The following FMN1 variants were observed in gnomAD, a reference collection of about 807,000 sequenced individuals.
FMN1 encodes the protein formin 1, also known as formin-1.
FMN1 carries 110 observed loss-of-function variants against 132.4 expected under a neutral mutation model. The observed-to-expected ratio is 0.83, with a 90% CI of 0.71 to 0.97. The LOEUF is 0.97. Ranked by LOEUF, FMN1 falls within the 50% of genes least tolerant of loss-of-function variation. The pLI, the probability that FMN1 is intolerant of heterozygous loss-of-function variation, is 0.00. For synonymous variants in FMN1, 722 were observed against 651.7 expected (o/e 1.11, Z -1.64); for missense variants, 1,792 against 1,705.3 (o/e 1.05, Z -0.90).
chr15:33,030,494 G>A (rs539892233), intron 6 of FMN1, among the ~76,000 whole-genome samples: 32 of 152,276 alleles, frequency 2.1e-4, no homozygotes, highest in African/African-American at 6.5e-4. Context: ...AAGGATAAGC[G>A]GCTTGCAATA....
At chr15:32,836,956 T>G (rs1011656442) in intron 17 of FMN1, 3 of 208,608 alleles carry the variant, frequency 1.4e-5, no homozygotes, top group Non-Finnish European at 2.2e-5. Context: ...AATTCTAAAA[T>G]AGATGCATTT....
chr15:32,996,105 T>A (rs1248695855), intron 7 of FMN1, among the ~76,000 whole-genome samples: 2 of 152,226 alleles, frequency 1.3e-5, no homozygotes, highest in African/African-American at 2.4e-5. Flanking sequence ...GATAGATAGG[T>A]CATCTACCAC....
chr15:33,135,250 A>C (rs1385433833), intron 4 of FMN1, among the ~76,000 whole-genome samples: 1 of 152,226 alleles, frequency 6.6e-6, no homozygotes, highest in Non-Finnish European at 1.5e-5. Context: ...GGTTCTCTAC[A>C]TAAATTATTT....
At chr15:32,976,806 G>C (rs1158013007) in intron 7 of FMN1, among the ~76,000 whole-genome samples, 1 of 152,172 alleles carries the variant, frequency 6.6e-6, no homozygotes, top group Non-Finnish European at 1.5e-5. Context: ...GTACACCTGT[G>C]TAAAAATGGT....
At chr15:32,950,615 A>C (rs1387352871) in intron 9 of FMN1, among the ~76,000 whole-genome samples, 1 of 152,196 alleles carries the variant, frequency 6.6e-6, no homozygotes, top group Non-Finnish European at 1.5e-5. Flanking sequence ...ACATTTTTTC[A>C]CTTGTAAGTG....
At chr15:33,135,721 T>C (rs1014308630) in intron 4 of FMN1, among the ~76,000 whole-genome samples, 12 of 152,244 alleles carry the variant, frequency 7.9e-5, no homozygotes, top group African/African-American at 2.4e-4. Context: ...CCCAAGGTTA[T>C]GCAATGTTCT....
chr15:33,020,201 G>A (rs1375557950), intron 6 of FMN1, among the ~76,000 whole-genome samples: 1 of 152,196 alleles, frequency 6.6e-6, no homozygotes, highest in African/African-American at 2.4e-5. Context: ...GGGCAGTCTT[G>A]CAGGACGGAG....
intron 7 of FMN1, among the ~76,000 whole-genome samples, chr15:32,997,716 C>T (rs1454796963): frequency 1.3e-5 from 2 of 152,166 alleles, no homozygotes; most frequent in African/African-American, 2.4e-5. Flanking sequence ...CCATGCCTTC[C>T]TGAAAATGTT....
chr15:33,146,237 A>G (rs1172381916), intron 4 of FMN1, among the ~76,000 whole-genome samples: 1 of 152,098 alleles, frequency 6.6e-6, no homozygotes, highest in African/African-American at 2.4e-5. Flanking sequence ...GCTCTTCAAT[A>G]CTGCAAAACT....
chr15:33,058,260 A>G (rs1329534926), intron 6 of FMN1, among the ~76,000 whole-genome samples: 1 of 152,118 alleles, frequency 6.6e-6, no homozygotes, highest in Non-Finnish European at 1.5e-5. Flanking sequence ...TATGAGAAAG[A>G]CGACGACTGA....
At chr15:33,180,854 A>T (rs1179594117) in intron 2 of FMN1, among the ~76,000 whole-genome samples, 1 of 148,444 alleles carries the variant, frequency 6.7e-6, no homozygotes, top group Non-Finnish European at 1.5e-5. Flanking sequence ...GGTTTCAGCC[A>T]TTCATCGGCC....
At chr15:33,172,773 A>G (rs1300724635) in intron 3 of FMN1, among the ~76,000 whole-genome samples, 4 of 152,234 alleles carry the variant, frequency 2.6e-5, no homozygotes, top group African/African-American at 9.6e-5. Context: ...AGTATAGCAC[A>G]CTGAGTAGAG....
chr15:32,999,639 T>C (rs1002862562), intron 7 of FMN1, among the ~76,000 whole-genome samples: 4 of 152,214 alleles, frequency 2.6e-5, no homozygotes, highest in African/African-American at 7.2e-5. Context: ...TTAGGAAATA[T>C]GCATGTGATA....
At chr15:32,848,977 G>GTTTTTT (rs71113479) in intron 17 of FMN1, among the ~76,000 whole-genome samples, 989 of 89,552 alleles carry the variant, frequency 0.011, 123 homozygotes, top group East Asian at 0.052. Context: ...GTTCTCTTTT[G>GTTTTTT]TTTTTTTTTT....
In FMN1 at chr15:33,191,038, T is replaced by C. The variant is rs138777356; in HGVS notation, c.-197+2871A>G. ...ACAAAAAATTAGCCAGGCGTGGTGGTGGGCACCTGTAGACCCAGCTATTCA... is the reference window on the plus strand; with the variant it reads ...ACAAAAAATTAGCCAGGCGTGGTGGCGGGCACCTGTAGACCCAGCTATTCA... On this transcript the variant is annotated intron_variant, in intron 2 of 20. Coordinates refer to ENST00000616417, the MANE Select transcript of FMN1 (RefSeq NM_001277313.2). 6.9e-3 allele frequency among the ~76,000 whole-genome samples: 1,052 copies of C among 152,112 alleles called. 10 individuals carry two copies. The highest frequency in any genetic ancestry group is 0.024 in the African/African-American group (984 of 41,498).
intron 5 of FMN1, among the ~76,000 whole-genome samples, chr15:33,078,892 G>C (rs1373883639): frequency 3.3e-5 from 5 of 152,144 alleles, no homozygotes; most frequent in African/African-American, 7.2e-5. Flanking sequence ...TACCATGTGA[G>C]GCTCACAGCA....
At chr15:32,951,177 A>G (rs1025700726) in intron 9 of FMN1, among the ~76,000 whole-genome samples, 1 of 152,192 alleles carries the variant, frequency 6.6e-6, no homozygotes, top group Non-Finnish European at 1.5e-5. Flanking sequence ...TTATTTATAG[A>G]CTATCATGCT....
At chr15:32,805,201 T>C (rs1430511543) in intron 17 of FMN1, among the ~76,000 whole-genome samples, 1 of 152,218 alleles carries the variant, frequency 6.6e-6, no homozygotes, top group Non-Finnish European at 1.5e-5. Context: ...ATCGCCATTC[T>C]AACTGGAGTG....
At chr15:33,044,557 G>T (rs1446542532) in intron 6 of FMN1, among the ~76,000 whole-genome samples, 1 of 152,204 alleles carries the variant, frequency 6.6e-6, no homozygotes, top group South Asian at 2.1e-4. Flanking sequence ...GAGCTGAGAA[G>T]ATGACAGGAT....
Sources: allele counts gnomAD v4.1 joint callset (sites outside exome capture counted in the v4.1 genomes callset), GRCh38; gene constraint gnomAD v4.1.1; transcripts MANE v1.5; gene names NCBI Gene and HGNC (gene_info 2026-07-23, HGNC 2026-07-21).